MED26: variants seen among roughly 807,000 people sequenced by gnomAD.
MED26 encodes the protein mediator complex subunit 26.
Under a neutral mutation model 43.7 loss-of-function variants are expected in MED26, and 7 were observed. The ratio of observed to expected loss-of-function variants is 0.16; its 90% CI spans 0.09 to 0.30. The LOEUF is 0.30. Among genes scored for constraint, MED26 ranks in the 10% least tolerant of loss-of-function variants. The pLI is 1.00. For missense variants in MED26, 784 were observed against 840.6 expected, an observed-to-expected ratio of 0.93 and a Z score of 0.83; for synonymous variants, 375 against 371.1, an observed-to-expected ratio of 1.01 and a Z score of -0.12.
Position 16,597,774 on chromosome 19 carries a change from G to A in MED26, c.73-19365C>T, listed in dbSNP as rs143122255. Among the ~76,000 whole-genome samples, 330 of 152,256 alleles carry A rather than the reference G, an allele frequency of 2.2e-3. 1 individual carries two copies. The highest frequency in any genetic ancestry group is 7.6e-3 in the African/African-American group (317 of 41,566). On this transcript the variant is annotated intron_variant, in intron 1 of 2. Transcript: ENST00000263390. ...CTTACTCTGTCACCCAGTATGGAGC[G>A]CAGTGGCATGTGATCTCAGCTCACC...
chr19:16,619,522 G>C (rs1417394577), intron 1 of MED26, among the ~76,000 whole-genome samples: 1 of 152,202 alleles, frequency 6.6e-6, no homozygotes, highest in Non-Finnish European at 1.5e-5. Flanking sequence ...GTGTGTGCAG[G>C]GGGCTGCCCA....
At chr19:16,585,091 T>C (rs2086064605) in intron 1 of MED26, among the ~76,000 whole-genome samples, 1 of 152,104 alleles carries the variant, frequency 6.6e-6, no homozygotes, top group Non-Finnish European at 1.5e-5. Flanking sequence ...ACACCATCTA[T>C]CTGGTGAGAC....
intron 1 of MED26, among the ~76,000 whole-genome samples, chr19:16,583,690 CAGCCGCCTGGTA>C (rs1439877239): frequency 2.0e-5 from 3 of 152,166 alleles, no homozygotes; most frequent in Non-Finnish European, 2.9e-5. Flanking sequence ...AGGTCCAGCC[CAGCCGCCTGGTA>C]CATGAATGTT....
chr19:16,579,783 G>T (rs966249975), intron 1 of MED26, among the ~76,000 whole-genome samples: 7 of 152,182 alleles, frequency 4.6e-5, no homozygotes, highest in Non-Finnish European at 7.3e-5. Flanking sequence ...AAGGAAATGG[G>T]CATCTCTGAC....
chr19:16,575,866 C>T lies in MED26; in HGVS notation c.*161G>A, dbSNP rs1227902123. ...CACAAAAAGAGTTTTGAGGGAAGAG[C>T]GCAGAGAGACCGCGTGACTCCCGCC... On this transcript the variant is annotated 3_prime_UTR_variant, in exon 3 of 3. Coordinates refer to ENST00000263390, the MANE Select transcript of MED26 (RefSeq NM_004831.5). 6 of 629,008 alleles carry T rather than the reference C, an allele frequency of 9.5e-6. No individual in the cohort carries two copies. The highest frequency in any genetic ancestry group is 2.8e-5 in the East Asian group (1 of 36,340). The allele number at this position is 629,008 out of a possible 1,614,324, so 39.0% of individuals were successfully genotyped here. A position where few individuals can be genotyped will look rare whatever the true frequency, so the allele number is the denominator to read the frequency against.
At chr19:16,584,854 A>G (rs760496249) in intron 1 of MED26, among the ~76,000 whole-genome samples, 12 of 152,224 alleles carry the variant, frequency 7.9e-5, no homozygotes, top group Non-Finnish European at 1.0e-4. Flanking sequence ...GAGAAAATAC[A>G]TCTATTTCCT....
chr19:16,611,560 G>A (rs2086199505), intron 1 of MED26: 1 of 152,086 alleles, frequency 6.6e-6, no homozygotes, highest in Non-Finnish European at 1.5e-5. Flanking sequence ...AAAAGACAAT[G>A]GAGCATAGGG....
chr19:16,601,962 T>C (rs1599341061), intron 1 of MED26, among the ~76,000 whole-genome samples: 1 of 151,944 alleles, frequency 6.6e-6, no homozygotes, highest in Non-Finnish European at 1.5e-5. Context: ...GACGTGGCTG[T>C]GGGAAGCAGC....
At position 16,577,556 on chromosome 19, in the gene MED26, C is replaced by CCTCATGCTGGTGTGCCGG. The variant is rs2086018660; in HGVS notation, c.256_273dup (p.Pro86_Glu91dup). The CCTCATGCTGGTGTGCCGG allele has an allele frequency of 6.2e-7, 1 of 1,609,154 alleles. No homozygotes were observed. Among genetic ancestry groups the CCTCATGCTGGTGTGCCGG allele is most frequent in the Admixed American group, 1.7e-5 (1 of 59,862 alleles). ...GCCCCCGCCAGCCCCCGCAGCGCCG[C>CCTCATGCTGGTGTGCCGG]CTCATGCTGGTGTGCCGGCTCGATG... On this transcript the variant is annotated inframe_insertion, in exon 3 of 3. Coordinates refer to ENST00000263390, the MANE Select transcript of MED26 (RefSeq NM_004831.5). The surrounding 1 kb of genome is among the most constrained non-coding windows in gnomAD (Gnocchi z 8.1).
intron 1 of MED26, among the ~76,000 whole-genome samples, chr19:16,597,218 T>A (rs1007763444): frequency 2.0e-5 from 3 of 152,088 alleles, no homozygotes; most frequent in African/African-American, 7.2e-5. Flanking sequence ...CAATCCCACG[T>A]CCCTGTGCCC....
intron 1 of MED26, among the ~76,000 whole-genome samples, chr19:16,592,912 T>A (rs1320135042): frequency 2.0e-5 from 3 of 152,188 alleles, no homozygotes; most frequent in African/African-American, 7.2e-5. Context: ...CCCTCTGTTT[T>A]AAAAACACAA....
intron 1 of MED26, among the ~76,000 whole-genome samples, chr19:16,607,906 G>C (rs956393396): frequency 6.6e-6 from 1 of 152,230 alleles, no homozygotes; most frequent in African/African-American, 2.4e-5. Context: ...GAGCCAATGA[G>C]GGGTGCTAGA....
chr19:16,626,741 T>C (rs923486757), intron 1 of MED26, among the ~76,000 whole-genome samples: 4 of 152,286 alleles, frequency 2.6e-5, no homozygotes, highest in Non-Finnish European at 5.9e-5. Context: ...ATGATATTTT[T>C]CTTCCATTCA....
At chr19:16,624,915 G>A (rs560210492) in intron 1 of MED26, among the ~76,000 whole-genome samples, 9 of 152,294 alleles carry the variant, frequency 5.9e-5, no homozygotes, top group South Asian at 4.1e-4. Context: ...AGAAGCTTGC[G>A]TGCTGCACAG....
chr19:16,614,236 G>A (rs2086212583), intron 1 of MED26, among the ~76,000 whole-genome samples: 1 of 152,132 alleles, frequency 6.6e-6, no homozygotes, highest in Non-Finnish European at 1.5e-5. Flanking sequence ...CTGTGCTAAG[G>A]GTAGTGTCTG....
chr19:16,627,450 C>A (rs778519868), intron 1 of MED26, among the ~76,000 whole-genome samples: 1 of 152,224 alleles, frequency 6.6e-6, no homozygotes, highest in Non-Finnish European at 1.5e-5. Flanking sequence ...GACATAGGTT[C>A]CCCGAGTCAT....
rs2086292357 is a variant in MED26, at chr19:16,628,119, C to T, written c.-176G>A. 2 of 373,894 alleles carry T rather than the reference C, an allele frequency of 5.3e-6. No individual in the cohort carries two copies. The highest frequency in any genetic ancestry group is 4.0e-5 in the East Asian group (1 of 24,990). The allele number at this position is 373,894 out of a possible 1,614,324, so 23.2% of individuals were successfully genotyped here. On this transcript the variant is annotated 5_prime_UTR_variant, in exon 1 of 3. Transcript: ENST00000263390. Reference sequence around the variant, plus strand: ...GGGAGCCGGGGCCGGGTCTCGGTCCCGGGCCGCCGCCGCCACCAAAGGAGG... The same window carrying T: ...GGGAGCCGGGGCCGGGTCTCGGTCCTGGGCCGCCGCCGCCACCAAAGGAGG...
intron 1 of MED26, among the ~76,000 whole-genome samples, chr19:16,605,479 T>C (rs1428554633): frequency 6.6e-6 from 1 of 152,062 alleles, no homozygotes; most frequent in Non-Finnish European, 1.5e-5. Context: ...GGGAAATGGA[T>C]AGAACACAGA....
chr19:16,622,072 C>T (rs1005649184), intron 1 of MED26, among the ~76,000 whole-genome samples: 4 of 152,202 alleles, frequency 2.6e-5, no homozygotes, highest in African/African-American at 7.2e-5. Context: ...CCAGAGACAA[C>T]GCAAGAAGAG....
Sources: allele counts gnomAD v4.1 joint callset (sites outside exome capture counted in the v4.1 genomes callset), GRCh38; gene constraint gnomAD v4.1.1; non-coding constraint Gnocchi (gnomAD v3.1); transcripts MANE v1.5; gene names NCBI Gene and HGNC (gene_info 2026-07-23, HGNC 2026-07-21).